The following GAREM1 variants were observed in gnomAD, a reference collection of about 807,000 sequenced individuals.
The protein encoded by GAREM1 is GRB2 associated regulator of MAPK1 subtype 1.
In GAREM1, 26 loss-of-function variants were observed where a neutral mutation model predicts 71.3. The observed-to-expected ratio is 0.36, with a 90% CI of 0.27 to 0.51. The LOEUF (loss-of-function observed/expected upper bound fraction) is 0.51. GAREM1 is among the 20% of genes least tolerant of loss of function. GAREM1 has a pLI of 0.95. For synonymous variants in GAREM1, 440 were observed against 433.2 expected (o/e 1.02, Z -0.20); for missense variants, 1,026 against 1,103.1 (o/e 0.93, Z 0.99).
intron 2 of GAREM1, among the ~76,000 whole-genome samples, chr18:32,331,832 G>A (rs1452854704): frequency 1.3e-5 from 2 of 152,082 alleles, no homozygotes; most frequent in Middle Eastern, 3.4e-3. Context: ...GAAGGTGAAG[G>A]GGAAAGAGTG....
At chr18:32,396,309 CG>C (rs2048255090) in intron 1 of GAREM1, among the ~76,000 whole-genome samples, 1 of 152,070 alleles carries the variant, frequency 6.6e-6, no homozygotes, top group Non-Finnish European at 1.5e-5. Flanking sequence ...CAAAGGTGGA[CG>C]AAGAATGACT....
intron 2 of GAREM1, among the ~76,000 whole-genome samples, chr18:32,353,763 G>A (rs886107725): frequency 1.3e-5 from 2 of 152,118 alleles, no homozygotes; most frequent in Non-Finnish European, 2.9e-5. Context: ...TGTTCTACAA[G>A]TATATGGAAA....
intron 1 of GAREM1, among the ~76,000 whole-genome samples, chr18:32,411,421 A>G (rs1180857998): frequency 6.6e-6 from 1 of 152,246 alleles, no homozygotes; most frequent in Non-Finnish European, 1.5e-5. Flanking sequence ...AAAATACAAA[A>G]GAATCAAATT....
At chr18:32,462,060 A>C (rs2048958102) in intron 1 of GAREM1, among the ~76,000 whole-genome samples, 1 of 152,238 alleles carries the variant, frequency 6.6e-6, no homozygotes, top group Non-Finnish European at 1.5e-5. Context: ...AAATGAACTG[A>C]ATGTCTTAAG....
chr18:32,286,826 C>G (rs1168242646), intron 4 of GAREM1, among the ~76,000 whole-genome samples: 1 of 152,178 alleles, frequency 6.6e-6, no homozygotes, highest in Non-Finnish European at 1.5e-5. Context: ...AAAAACTCTC[C>G]AAGAGGTTCT....
At chr18:32,454,427 T>C (rs1368706147) in intron 1 of GAREM1, among the ~76,000 whole-genome samples, 1 of 152,036 alleles carries the variant, frequency 6.6e-6, no homozygotes, top group Non-Finnish European at 1.5e-5. Flanking sequence ...ATATGTTAAT[T>C]TCCATTCTGA....
At chr18:32,337,018 C>A (rs945412971) in intron 2 of GAREM1, among the ~76,000 whole-genome samples, 1 of 152,158 alleles carries the variant, frequency 6.6e-6, no homozygotes, top group Admixed American at 6.5e-5. Flanking sequence ...TAAGTAAATG[C>A]CATTCCTCTG....
chr18:32,309,743 G>A (rs1018162719), intron 3 of GAREM1, among the ~76,000 whole-genome samples: 12 of 151,514 alleles, frequency 7.9e-5, no homozygotes, highest in Non-Finnish European at 1.6e-4. Context: ...CACAAAGAAT[G>A]GAATGAATAC....
chr18:32,407,174 T>C (rs184008604), intron 1 of GAREM1, among the ~76,000 whole-genome samples: 61 of 152,334 alleles, frequency 4.0e-4, no homozygotes, highest in Admixed American at 2.7e-3. Context: ...CTAAGACACA[T>C]GTTGTGGTAC....
Position 32,268,170 on chromosome 18 carries a change from A to G in GAREM1, c.2332T>C (p.Ser778Pro). ...FVKKGMQDIFSASYPFSSPLH... is the reference protein window; with the variant it reads ...FVKKGMQDIFPASYPFSSPLH... ...GGAGATGAGAAAGGGTAGGAGGCAG[A>G]GAAGATGTCCTGCATGCCCTTTTTA... Residue 778 changes from serine (S) to proline (P), a missense_variant, in exon 6 of 6, where the codon TCT (serine) becomes CCT (proline). Ser to Pro is a moderately conservative substitution (Grantham distance 74). This residue lies in a region of GAREM1 where 636 missense variants were observed against 631.2 expected (regional missense o/e 1.01). Coordinates refer to ENST00000269209, the MANE Select transcript of GAREM1 (RefSeq NM_001242409.2). The G allele has an allele frequency of 6.2e-7, 1 of 1,614,126 alleles. No homozygotes were observed. The highest frequency in any genetic ancestry group is 2.2e-5 in the East Asian group (1 of 44,882).
At chr18:32,268,943 T>A (rs1372149409) in intron 5 of GAREM1, among the ~76,000 whole-genome samples, 175 bp from the exon 6 acceptor site, 1 of 152,150 alleles carries the variant, frequency 6.6e-6, no homozygotes, top group Non-Finnish European at 1.5e-5. Context: ...TAAAATACAT[T>A]GGTAATTGTA....
intron 1 of GAREM1, among the ~76,000 whole-genome samples, chr18:32,440,637 C>A (rs17736704): frequency 1.3e-5 from 2 of 152,166 alleles, no homozygotes; most frequent in East Asian, 1.9e-4. Flanking sequence ...GAGCAGATGG[C>A]GGTTGTGATG....
At chr18:32,392,198 C>G (rs2048207966) in intron 2 of GAREM1, among the ~76,000 whole-genome samples, 1 of 147,918 alleles carries the variant, frequency 6.8e-6, no homozygotes, top group Non-Finnish European at 1.5e-5. Flanking sequence ...CATATGGTAA[C>G]ATAAGTTTTT....
chr18:32,277,970 C>G (rs894690164), intron 4 of GAREM1, among the ~76,000 whole-genome samples: 2 of 152,144 alleles, frequency 1.3e-5, no homozygotes, highest in African/African-American at 2.4e-5. Context: ...TTCTCTGATA[C>G]TTCCTAGGGG....
chr18:32,384,998 G>A (rs1218937295), intron 2 of GAREM1, among the ~76,000 whole-genome samples: 1 of 151,676 alleles, frequency 6.6e-6, no homozygotes, highest in Non-Finnish European at 1.5e-5. Flanking sequence ...TGACTCTTGA[G>A]GAAAAAAATG....
intron 1 of GAREM1, chr18:32,412,455 C>G (rs8085402): frequency 0.049 from 78,218 of 1,589,686 alleles, 2,524 homozygotes; most frequent in African/African-American, 0.15. Flanking sequence ...AGAGCCATCC[C>G]CACTGCCACC....
chr18:32,271,462 G>C (rs982948570), intron 4 of GAREM1, among the ~76,000 whole-genome samples: 7 of 152,164 alleles, frequency 4.6e-5, no homozygotes, highest in Non-Finnish European at 1.0e-4. Flanking sequence ...TGGGATTACA[G>C]GTATGAGACA....
At chr18:32,463,202 T>C (rs969107976) in intron 1 of GAREM1, among the ~76,000 whole-genome samples, 3 of 152,194 alleles carry the variant, frequency 2.0e-5, no homozygotes, top group African/African-American at 7.2e-5. Context: ...TATGTATTAA[T>C]ATAATGATTG....
intron 2 of GAREM1, among the ~76,000 whole-genome samples, chr18:32,319,419 G>T (rs2047409385): frequency 6.6e-6 from 1 of 152,164 alleles, no homozygotes; most frequent in South Asian, 2.1e-4. Context: ...AAGTAGGATT[G>T]CCCCATAAAA....
Sources: gnomAD v4.1 joint callset for allele counts (sites outside exome capture counted in the v4.1 genomes callset) on GRCh38, gnomAD v4.1.1 for gene constraint, gnomAD v4.1.1 regional missense constraint, MANE v1.5 for transcripts, NCBI Gene and HGNC (gene_info 2026-07-23, HGNC 2026-07-21) for gene names.